The following SETBP1 variants were observed in gnomAD, a reference collection of about 807,000 sequenced individuals.
SETBP1 encodes the protein SET binding protein 1.
Under a neutral mutation model 101.0 loss-of-function variants are expected in SETBP1, and 9 were observed. The ratio of observed to expected loss-of-function variants is 0.09; its 90% CI spans 0.05 to 0.16. SETBP1 has a LOEUF of 0.16. Ranked by LOEUF, SETBP1 falls within the 10% of genes least tolerant of loss-of-function variation. The pLI, the probability that SETBP1 is intolerant of heterozygous loss-of-function variation, is 1.00. For synonymous variants in SETBP1, 818 were observed against 788.5 expected, an observed-to-expected ratio of 1.04 and a Z score of -0.63; for missense variants, 1,858 against 2,033.8, an observed-to-expected ratio of 0.91 and a Z score of 1.66.
intron 2 of SETBP1, among the ~76,000 whole-genome samples, chr18:44,704,950 A>G (rs1338316952): frequency 6.6e-6 from 1 of 152,176 alleles, no homozygotes; most frequent in Admixed American, 6.5e-5. Flanking sequence ...CTAGAAAGGA[A>G]GCCCTGTTAA....
At chr18:44,768,383 T>C (rs1320474266) in intron 2 of SETBP1, among the ~76,000 whole-genome samples, 1 of 152,132 alleles carries the variant, frequency 6.6e-6, no homozygotes, top group African/African-American at 2.4e-5. Flanking sequence ...GGTGTATGTG[T>C]GTGTATGTGT....
intron 2 of SETBP1, among the ~76,000 whole-genome samples, chr18:44,784,718 A>G (rs1009172019): frequency 6.6e-6 from 1 of 152,218 alleles, no homozygotes; most frequent in Admixed American, 6.5e-5. Flanking sequence ...TGCACATAGT[A>G]GGAGGTTAGT....
At chr18:44,734,929 ACT>A (rs2069930562) in intron 2 of SETBP1, among the ~76,000 whole-genome samples, 1 of 152,096 alleles carries the variant, frequency 6.6e-6, no homozygotes, top group Admixed American at 6.5e-5. Flanking sequence ...ATACAAATTG[ACT>A]CTATATGATT....
At chr18:44,932,780 C>G (rs2070867082) in intron 3 of SETBP1, among the ~76,000 whole-genome samples, 1 of 152,098 alleles carries the variant, frequency 6.6e-6, no homozygotes, top group Admixed American at 6.5e-5. Flanking sequence ...GTGCCATGGT[C>G]ATTTAAGGAC....
intron 5 of SETBP1, among the ~76,000 whole-genome samples, chr18:45,042,796 G>A (rs1396477734): frequency 6.6e-6 from 1 of 152,148 alleles, no homozygotes; most frequent in Non-Finnish European, 1.5e-5. Flanking sequence ...AGGAGAGAGT[G>A]GCGAGCTGGG....
chr18:44,949,954 C>A lies in SETBP1; in HGVS notation c.614C>A (p.Thr205Asn), dbSNP rs1198080771. ...CTCCCACAGGACTTCACCGGTGACA[C>A]CTTAAAACCAAAGCACCAGCAAAAA... ...TGLPQDFTGDTLKPKHQQKSS... is the reference protein window; with the variant it reads ...TGLPQDFTGDNLKPKHQQKSS... The change falls in exon 4 of 6, where the codon ACC becomes AAC. Residue 205 changes from threonine to asparagine, a missense_variant. This residue lies in a region of SETBP1 where 581 missense variants were observed against 535.1 expected (regional missense o/e 1.09). Coordinates refer to ENST00000649279, the MANE Select transcript of SETBP1 (RefSeq NM_015559.3). 6.2e-7 allele frequency: 1 copy of A among 1,614,118 alleles called. No individual in the cohort carries two copies. The highest frequency in any genetic ancestry group is 1.1e-5 in the South Asian group (1 of 91,082).
In SETBP1 at chr18:44,869,271, A is replaced by G; in HGVS notation, c.528A>G (p.Gly176=). The change falls in exon 3 of 6, where the codon GGA becomes GGG. Residue 176 remains glycine (G), a synonymous_variant. Transcript: ENST00000649279. ...ACCTTGCAGCCAGTGACCTCAAAGG[A>G]TTTCAGCCACAGGTAAGTTCCACTG... ...ASDLAASDLK[G]FQPQAYERPQ... 3.1e-6 allele frequency: 5 copies of G among 1,614,056 alleles called. No individual in the cohort carries two copies. Among genetic ancestry groups the G allele is most frequent in the Non-Finnish European group, 4.2e-6 (5 of 1,179,916 alleles).
At chr18:44,770,585 T>G (rs2070851144) in intron 2 of SETBP1, among the ~76,000 whole-genome samples, 1 of 152,112 alleles carries the variant, frequency 6.6e-6, no homozygotes, top group African/African-American at 2.4e-5. Flanking sequence ...ACCCTGTTTT[T>G]GTTTTTGTTT....
At chr18:45,000,793 A>ACACACACAC (rs2072600866) in intron 4 of SETBP1, among the ~76,000 whole-genome samples, 1 of 146,702 alleles carries the variant, frequency 6.8e-6, no homozygotes, top group Non-Finnish European at 1.5e-5. Context: ...GAATGCACAC[A>ACACACACAC]ACACACACAC....
At chr18:44,858,019 C>T (rs374622496) in intron 2 of SETBP1, among the ~76,000 whole-genome samples, 24 of 152,108 alleles carry the variant, frequency 1.6e-4, no homozygotes, top group African/African-American at 4.8e-4. Context: ...GAGTTTCTGG[C>T]GACACAGCTG....
chr18:45,066,735 A>T lies in SETBP1; in HGVS notation c.*3037A>T, dbSNP rs1366910364. 1 of 151,738 alleles carries T rather than the reference A, an allele frequency of 6.6e-6. No individual in the cohort carries two copies. Among genetic ancestry groups the T allele is most frequent in the Non-Finnish European group, 1.5e-5 (1 of 67,956 alleles). 9.4% of individuals were successfully genotyped at this position (151,738 alleles called of 1,614,324 possible). ...GGTGCTCCACATACAGCTTCACAAAATATTTCATTATAAGAGAAACCCCTT... is the reference window on the plus strand; with the variant it reads ...GGTGCTCCACATACAGCTTCACAAATTATTTCATTATAAGAGAAACCCCTT... On this transcript the variant is annotated 3_prime_UTR_variant, in exon 6 of 6. Transcript: ENST00000649279.
chr18:44,712,060 TC>T (rs2069359832), intron 2 of SETBP1, among the ~76,000 whole-genome samples: 1 of 152,240 alleles, frequency 6.6e-6, no homozygotes, highest in Non-Finnish European at 1.5e-5. Context: ...TTATTTACTC[TC>T]AGAAGTCTGA....
chr18:44,738,590 A>G (rs1320015429), intron 2 of SETBP1, among the ~76,000 whole-genome samples: 1 of 152,126 alleles, frequency 6.6e-6, no homozygotes, highest in African/African-American at 2.4e-5. Flanking sequence ...CCTGCCCAAC[A>G]TGGTGAAACT....
intron 3 of SETBP1, among the ~76,000 whole-genome samples, chr18:44,875,192 T>C (rs992076968): frequency 6.6e-6 from 1 of 152,110 alleles, no homozygotes; most frequent in African/African-American, 2.4e-5. Flanking sequence ...TAAATGGACA[T>C]CAGCTGTCTA....
chr18:44,733,205 T>C (rs886533450), intron 2 of SETBP1: 5 of 152,218 alleles, frequency 3.3e-5, no homozygotes, highest in Non-Finnish European at 5.9e-5. Flanking sequence ...CCAGCTCATC[T>C]GAGCTACACA....
At chr18:44,883,475 T>A (rs652539) in intron 3 of SETBP1, among the ~76,000 whole-genome samples, 81,393 of 152,006 alleles carry the variant, frequency 0.54, 21,920 homozygotes, top group Non-Finnish European at 0.55. Context: ...AACTCCACTT[T>A]CCTTAAATAT....
chr18:44,764,385 C>T (rs933554537), intron 2 of SETBP1, among the ~76,000 whole-genome samples: 1 of 152,218 alleles, frequency 6.6e-6, no homozygotes, highest in Non-Finnish European at 1.5e-5. Flanking sequence ...ACAGATCTCT[C>T]CCCTTCTAAC....
chr18:45,029,181 T>C (rs976695316), intron 4 of SETBP1, among the ~76,000 whole-genome samples: 4 of 152,220 alleles, frequency 2.6e-5, no homozygotes, highest in African/African-American at 9.6e-5. Context: ...CTTGAATTAA[T>C]TTTTGTATGT....
At chr18:44,828,929 G>A (rs1181143157) in intron 2 of SETBP1, among the ~76,000 whole-genome samples, 1 of 152,246 alleles carries the variant, frequency 6.6e-6, no homozygotes, top group Non-Finnish European at 1.5e-5. Flanking sequence ...CTATAATCTT[G>A]ATCTTGGACT....
Sources: allele counts gnomAD v4.1 joint callset (sites outside exome capture counted in the v4.1 genomes callset), GRCh38; gene constraint gnomAD v4.1.1; regional missense constraint gnomAD v4.1.1; transcripts MANE v1.5; gene names NCBI Gene and HGNC (gene_info 2026-07-23, HGNC 2026-07-21).